Variants in COMMD10 observed in about 807,000 individuals in gnomAD.
The protein encoded by COMMD10 is COMM domain-containing protein 10.
Under a neutral mutation model 28.9 loss-of-function variants are expected in COMMD10, and 33 were observed. The observed-to-expected ratio is 1.14, with a 90% CI of 0.87 to 1.53. The LOEUF (loss-of-function observed/expected upper bound fraction) is 1.53, where lower values mean the gene tolerates loss of function less well. Ranked by LOEUF, COMMD10 falls within the 40% of genes most tolerant of loss-of-function variation. The probability of loss-of-function intolerance (pLI) is 0.00; values close to 1 mark genes in which losing one functional copy is unlikely to be tolerated. For synonymous variants in COMMD10, 110 were observed against 81.7 expected, an observed-to-expected ratio of 1.35 and a Z score of -1.87; for missense variants, 310 against 233.4, an observed-to-expected ratio of 1.33 and a Z score of -2.14.
intron 5 of COMMD10, among the ~76,000 whole-genome samples, chr5:116,164,686 A>G (rs1753034419): frequency 6.6e-6 from 1 of 152,222 alleles, no homozygotes; most frequent in Non-Finnish European, 1.5e-5. Flanking sequence ...TACTTCATGT[A>G]TTTACTCATA....
At chr5:116,274,518 C>G (rs1750849889) in intron 5 of COMMD10, among the ~76,000 whole-genome samples, 1 of 151,790 alleles carries the variant, frequency 6.6e-6, no homozygotes, top group African/African-American at 2.4e-5. Flanking sequence ...CTATCAATCC[C>G]TGAGCTACAT....
At chr5:116,101,429 A>G (rs1472178199) in intron 4 of COMMD10, among the ~76,000 whole-genome samples, 1 of 150,838 alleles carries the variant, frequency 6.6e-6, no homozygotes, top group East Asian at 1.9e-4. Flanking sequence ...TTATTTATTT[A>G]TTTATTTATT....
chr5:116,143,471 T>C (rs534835180), intron 5 of COMMD10, among the ~76,000 whole-genome samples: 4 of 151,960 alleles, frequency 2.6e-5, no homozygotes, highest in East Asian at 3.9e-4. Flanking sequence ...TAAAATTCTT[T>C]TAAAAATTTT....
chr5:116,163,156 C>T, intron 5 of COMMD10, among the ~76,000 whole-genome samples: 1 of 151,860 alleles, frequency 6.6e-6, no homozygotes, highest in African/African-American at 2.4e-5. Flanking sequence ...TAGATATATA[C>T]AAATAACTTT....
intron 5 of COMMD10, among the ~76,000 whole-genome samples, chr5:116,145,332 C>G (rs61707931): frequency 6.6e-6 from 1 of 151,788 alleles, no homozygotes; most frequent in African/African-American, 2.4e-5. Flanking sequence ...TTTTCTTCAT[C>G]TATTTTTAAT....
At chr5:116,155,049 T>C (rs1752663178) in intron 5 of COMMD10, among the ~76,000 whole-genome samples, 1 of 152,134 alleles carries the variant, frequency 6.6e-6, no homozygotes, top group South Asian at 2.1e-4. Flanking sequence ...ATGTATCTTT[T>C]AACATTGGTA....
At chr5:116,126,799 T>C (rs1466975207) in intron 4 of COMMD10, among the ~76,000 whole-genome samples, 2 of 152,162 alleles carry the variant, frequency 1.3e-5, no homozygotes, top group Non-Finnish European at 2.9e-5. Context: ...GACTTAAAAA[T>C]TAGACCTAAA....
intron 5 of COMMD10, among the ~76,000 whole-genome samples, chr5:116,192,273 CA>C (rs755078785): frequency 6.4e-5 from 7 of 109,380 alleles, no homozygotes; most frequent in African/African-American, 1.9e-4. Context: ...CCCCCCCCCC[CA>C]AAAATAACAC....
In COMMD10 at chr5:116,179,855, A is replaced by G. The variant is rs1480996024; in HGVS notation, c.510+45677A>G. On this transcript the variant is annotated intron_variant, in intron 5 of 6. Coordinates refer to ENST00000274458, the MANE Select transcript of COMMD10 (RefSeq NM_016144.4). ...TAGTAGTAGTAGGAATGAAGTAGAA[A>G]ACTCAAATCTACAAGACATTTCTTG... Among the ~76,000 whole-genome samples, 12 of 152,196 alleles carry G rather than the reference A, an allele frequency of 7.9e-5. No individual in the cohort carries two copies. The East Asian group carries it at 2.3e-3, about 29-fold the overall frequency.
At chr5:116,138,662 G>C (rs1294541933) in intron 5 of COMMD10, among the ~76,000 whole-genome samples, 1 of 151,392 alleles carries the variant, frequency 6.6e-6, no homozygotes, top group African/African-American at 2.4e-5. Flanking sequence ...AAATCACCCT[G>C]ACAGTAGAAT....
At chr5:116,129,115 T>G (rs1561619048) in intron 4 of COMMD10, among the ~76,000 whole-genome samples, 1 of 151,820 alleles carries the variant, frequency 6.6e-6, no homozygotes, top group Non-Finnish European at 1.5e-5. Context: ...TACTGATGAT[T>G]CTTACTTGAT....
chr5:116,218,334 C>T (rs1749158506), intron 5 of COMMD10: 8 of 663,302 alleles, frequency 1.2e-5, no homozygotes, highest in South Asian at 2.9e-5. Flanking sequence ...AGGCACTGGG[C>T]GTAGGATGCA....
At chr5:116,200,128 T>C (rs1340908165) in intron 5 of COMMD10, among the ~76,000 whole-genome samples, 1 of 126,594 alleles carries the variant, frequency 7.9e-6, no homozygotes, top group Non-Finnish European at 1.7e-5. Flanking sequence ...AAATAAATTA[T>C]ATTATTTTAG....
intron 4 of COMMD10, among the ~76,000 whole-genome samples, chr5:116,097,832 T>C (rs1750517100): frequency 6.6e-6 from 1 of 151,890 alleles, no homozygotes; most frequent in African/African-American, 2.4e-5. Context: ...AGGGAGGGGC[T>C]ACATACTTTT....
chr5:116,116,740 C>T (rs968414765), intron 4 of COMMD10, among the ~76,000 whole-genome samples: 14 of 132,220 alleles, frequency 1.1e-4, no homozygotes, highest in African/African-American at 3.7e-4. Flanking sequence ...GAGACGGAGT[C>T]TCGCTCTGTC....
chr5:116,172,283 TG>T (rs1753361282), intron 5 of COMMD10, among the ~76,000 whole-genome samples: 1 of 152,068 alleles, frequency 6.6e-6, no homozygotes, highest in South Asian at 2.1e-4. Context: ...ATTAAAGGTG[TG>T]GGAAAGCTAT....
Position 116,268,939 on chromosome 5 carries a change from GC to G in COMMD10, c.511-22576del, listed in dbSNP as rs1750680862. Among the ~76,000 whole-genome samples the G allele has an allele frequency of 1.3e-5, 2 of 151,278 alleles. 1 individual carries two copies. Among genetic ancestry groups the G allele is most frequent in the South Asian group, 4.2e-4 (2 of 4,790 alleles). Reference sequence around the variant, plus strand: ...AGAGAGAGGAACATCACAAACCGGAGCCTGTTGTGGGGTGGGGGGAAGGGAA... The same window carrying G: ...AGAGAGAGGAACATCACAAACCGGAGCTGTTGTGGGGTGGGGGGAAGGGAA... On this transcript the variant is annotated intron_variant, in intron 5 of 6. Coordinates refer to ENST00000274458, the MANE Select transcript of COMMD10 (RefSeq NM_016144.4).
chr5:116,099,720 C>T (rs566573786), intron 4 of COMMD10, among the ~76,000 whole-genome samples: 2 of 152,142 alleles, frequency 1.3e-5, no homozygotes, highest in East Asian at 1.9e-4. Flanking sequence ...TTTTATATAC[C>T]TGTTGATCAT....
At chr5:116,161,829 C>T (rs991138325) in intron 5 of COMMD10, among the ~76,000 whole-genome samples, 1 of 152,072 alleles carries the variant, frequency 6.6e-6, no homozygotes. Flanking sequence ...GAGGCAGGTG[C>T]ACTTCATATA....
Sources: gnomAD v4.1 joint callset for allele counts (sites outside exome capture counted in the v4.1 genomes callset) on GRCh38, gnomAD v4.1.1 for gene constraint, MANE v1.5 for transcripts, NCBI Gene and HGNC (gene_info 2026-07-23, HGNC 2026-07-21) for gene names.